DPP6: variants seen among roughly 807,000 people sequenced by gnomAD.
DPP6 encodes dipeptidyl peptidase like 6.
Under a neutral mutation model 122.6 loss-of-function variants are expected in DPP6, and 69 were observed. The ratio of observed to expected loss-of-function variants is 0.56; its 90% CI spans 0.46 to 0.69. DPP6 has a LOEUF of 0.69. Ranked by LOEUF, DPP6 falls within the 30% of genes least tolerant of loss-of-function variation. The pLI is 0.00. For synonymous variants in DPP6, 418 were observed against 433.1 expected, an observed-to-expected ratio of 0.97 and a Z score of 0.43; for missense variants, 928 against 1,116.9, an observed-to-expected ratio of 0.83 and a Z score of 2.41.
intron 1 of DPP6, among the ~76,000 whole-genome samples, chr7:154,084,914 C>T (rs1225495389): frequency 3.1e-5 from 4 of 130,024 alleles, no homozygotes; most frequent in East Asian, 5.3e-4. Context: ...GGTGTGAACC[C>T]GGGAGGCAGA....
chr7:154,281,983 G>C (rs1804545295), intron 1 of DPP6, among the ~76,000 whole-genome samples: 1 of 152,112 alleles, frequency 6.6e-6, no homozygotes, highest in South Asian at 2.1e-4. Flanking sequence ...ATTGATTTGA[G>C]ACATGGGTCT....
Position 153,908,108 on chromosome 7 carries a change from T to C in DPP6, c.51+20374T>C, listed in dbSNP as rs185010800. On this transcript the variant is annotated intron_variant, in intron 1 of 25. Transcript: ENST00000404039. Reference sequence around the variant, plus strand: ...ATTGATACAATTCTTTTTTAGCTGATTGTGAGTCAGCAAAATTCAAAACAT... The same window carrying C: ...ATTGATACAATTCTTTTTTAGCTGACTGTGAGTCAGCAAAATTCAAAACAT... Among the ~76,000 whole-genome samples, 7 of 151,078 alleles carry C rather than the reference T, an allele frequency of 4.6e-5. No individual in the cohort carries two copies. The Admixed American group carries it at 4.6e-4, about 10-fold the overall frequency.
At chr7:153,816,211 T>G in the DPP6 span, among the ~76,000 whole-genome samples, 1 of 152,140 alleles carries the variant, frequency 6.6e-6, no homozygotes. Flanking sequence ...AGAAGGAAAA[T>G]ATTTATAGTT....
At chr7:153,799,510 C>T in the DPP6 span, among the ~76,000 whole-genome samples, 21 of 152,190 alleles carry the variant, frequency 1.4e-4, no homozygotes, top group East Asian at 5.8e-4. Flanking sequence ...GAGCTTGCAC[C>T]GCCTCCATGT....
intron 1 of DPP6, among the ~76,000 whole-genome samples, chr7:154,207,751 A>C (rs1394154223): frequency 6.6e-6 from 1 of 152,360 alleles, no homozygotes; most frequent in East Asian, 1.9e-4. Context: ...AAGAAGCAGA[A>C]CCCAGAGAAT....
At chr7:154,843,646 A>G (rs1801730011) in intron 16 of DPP6, among the ~76,000 whole-genome samples, 3 of 152,236 alleles carry the variant, frequency 2.0e-5, no homozygotes, top group Admixed American at 1.3e-4. Flanking sequence ...TACCAGGCAG[A>G]TAGTAGGAAA....
At chr7:154,727,716 T>A in intron 7 of DPP6, 51 bp from the exon 8 acceptor site, 1 of 1,542,928 alleles carries the variant, frequency 6.5e-7, no homozygotes, top group Non-Finnish European at 8.8e-7. Context: ...AACAGCCTAT[T>A]TATAACCACT....
At chr7:154,638,931 G>C (rs1030099925) in intron 6 of DPP6, among the ~76,000 whole-genome samples, 3 of 152,126 alleles carry the variant, frequency 2.0e-5, no homozygotes, top group African/African-American at 2.4e-5. Flanking sequence ...AAGGTGAGGT[G>C]CTCAGGAAAG....
rs1310222877 is a variant in DPP6, at chr7:154,322,039, C to G, written c.244-124175C>G. ...TCTCCCAGCACTTTCTACAACCACACCCCCAACCCCCAACCCCCAACCCCC... is the reference window on the plus strand; with the variant it reads ...TCTCCCAGCACTTTCTACAACCACAGCCCCAACCCCCAACCCCCAACCCCC... On this transcript the variant is annotated intron_variant, in intron 1 of 25. Coordinates refer to ENST00000377770, the MANE Select transcript of DPP6 (RefSeq NM_130797.4). Among the ~76,000 whole-genome samples, 18 of 96,510 alleles carry G rather than the reference C, an allele frequency of 1.9e-4. 1 individual carries two copies. In the East Asian group the frequency reaches 5.2e-3, roughly 28 times the overall value. The allele number at this position is 96,510 out of a possible 152,430, so 63.3% of individuals were successfully genotyped here.
At chr7:154,365,449 G>C (rs1328989118) in intron 1 of DPP6, among the ~76,000 whole-genome samples, 4 of 152,160 alleles carry the variant, frequency 2.6e-5, no homozygotes, top group African/African-American at 9.7e-5. Flanking sequence ...ATTGTGTCCT[G>C]TTTTCTATGG....
intron 1 of DPP6, among the ~76,000 whole-genome samples, chr7:153,999,514 A>G (rs1797591042): frequency 6.6e-6 from 1 of 152,172 alleles, no homozygotes; most frequent in African/African-American, 2.4e-5. Flanking sequence ...GTTGAAATCT[A>G]TGGCTTCTTT....
intron 5 of DPP6, among the ~76,000 whole-genome samples, chr7:154,573,651 T>C (rs1191547092): frequency 2.0e-5 from 3 of 152,264 alleles, no homozygotes; most frequent in Non-Finnish European, 2.9e-5. Context: ...TCTTAGCCGA[T>C]ATAAGGCCAA....
intron 7 of DPP6, among the ~76,000 whole-genome samples, chr7:154,706,982 A>G (rs939321731): frequency 6.6e-6 from 1 of 152,212 alleles, no homozygotes; most frequent in Non-Finnish European, 1.5e-5. Flanking sequence ...TGGTAGGAAG[A>G]GCAATTTTAG....
At chr7:153,938,701 A>G (rs1274390443) in intron 1 of DPP6, among the ~76,000 whole-genome samples, 1 of 152,212 alleles carries the variant, frequency 6.6e-6, no homozygotes, top group Non-Finnish European at 1.5e-5. Context: ...CCTTCCCTGC[A>G]ACTTCATTTT....
At chr7:154,723,717 T>A (rs547181667) in intron 7 of DPP6, among the ~76,000 whole-genome samples, 10 of 152,334 alleles carry the variant, frequency 6.6e-5, no homozygotes, top group African/African-American at 2.4e-4. Flanking sequence ...GTAAAAAAAA[T>A]TCCATATTCA....
At chr7:153,864,023 T>G in the DPP6 span, among the ~76,000 whole-genome samples, 1 of 152,218 alleles carries the variant, frequency 6.6e-6, no homozygotes, top group Non-Finnish European at 1.5e-5. Context: ...CTATTGTAAA[T>G]AATGCTGCTC....
In DPP6 at chr7:154,066,072, T is replaced by A. The variant is rs201593276; in HGVS notation, c.243+13009T>A. ...TTTTTTTTTTTTACTTTTTTTTTTTTAATTTGGGACAGAGTCTCTCTCTGT... is the reference window on the plus strand; with the variant it reads ...TTTTTTTTTTTTACTTTTTTTTTTTAAATTTGGGACAGAGTCTCTCTCTGT... On this transcript the variant is annotated intron_variant, in intron 1 of 25. Transcript: ENST00000377770. 7.1e-3 allele frequency among the ~76,000 whole-genome samples: 1,064 copies of A among 149,844 alleles called. 10 individuals carry two copies. The highest frequency in any genetic ancestry group is 0.022 in the African/African-American group (867 of 40,048).
At chr7:154,491,602 C>A (rs1824285009) in intron 3 of DPP6, among the ~76,000 whole-genome samples, 1 of 152,164 alleles carries the variant, frequency 6.6e-6, no homozygotes, top group African/African-American at 2.4e-5. Flanking sequence ...GTCCTTGAGA[C>A]AGCATAAAAG....
chr7:154,834,463 C>G (rs1456101947), intron 16 of DPP6, among the ~76,000 whole-genome samples: 1 of 147,584 alleles, frequency 6.8e-6, no homozygotes, highest in Non-Finnish European at 1.5e-5. Flanking sequence ...GTGACAAAAG[C>G]AAAACTCCAT....
Sources: gnomAD v4.1 joint callset for allele counts (sites outside exome capture counted in the v4.1 genomes callset) on GRCh38, gnomAD v4.1.1 for gene constraint, MANE v1.5 for transcripts, NCBI Gene and HGNC (gene_info 2026-07-23, HGNC 2026-07-21) for gene names.